The following SPIRE1 variants were observed in gnomAD, a reference collection of about 807,000 sequenced individuals.
SPIRE1 encodes spire type actin nucleation factor 1.
Under a neutral mutation model 94.1 loss-of-function variants are expected in SPIRE1, and 40 were observed. The ratio of observed to expected loss-of-function variants is 0.43; its 90% CI spans 0.33 to 0.55. The LOEUF (loss-of-function observed/expected upper bound fraction) is 0.55, where lower values mean the gene tolerates loss of function less well. Ranked by LOEUF, SPIRE1 falls within the 20% of genes least tolerant of loss-of-function variation. SPIRE1 has a pLI of 0.06. For synonymous variants in SPIRE1, 376 were observed against 371.7 expected (o/e 1.01, Z -0.13); for missense variants, 838 against 975.2 (o/e 0.86, Z 1.87).
chr18:12,574,011 T>C (rs113231666), intron 2 of SPIRE1, among the ~76,000 whole-genome samples: 11,911 of 152,264 alleles, frequency 0.078, 631 homozygotes, highest in Middle Eastern at 0.16. Flanking sequence ...AGTGCTAAGA[T>C]TACAGGCGTG....
At chr18:12,510,076 C>T (rs1165632161) in intron 5 of SPIRE1, among the ~76,000 whole-genome samples, 21 of 147,922 alleles carry the variant, frequency 1.4e-4, no homozygotes, top group Non-Finnish European at 2.8e-4. Flanking sequence ...CAGAGCAAGA[C>T]TCCATCTAAA....
intron 4 of SPIRE1, among the ~76,000 whole-genome samples, chr18:12,527,260 A>G (rs2034550132): frequency 6.6e-6 from 1 of 152,188 alleles, no homozygotes; most frequent in Admixed American, 6.6e-5. Flanking sequence ...ACAAAGTTAA[A>G]AATTAGGTCT....
intron 4 of SPIRE1, among the ~76,000 whole-genome samples, chr18:12,513,235 A>G (rs982790077): frequency 1.3e-5 from 2 of 152,198 alleles, no homozygotes; most frequent in African/African-American, 4.8e-5. Flanking sequence ...AACTGCATCA[A>G]TTCAACACTT....
chr18:12,585,806 T>C (rs780979542), intron 2 of SPIRE1, among the ~76,000 whole-genome samples: 5 of 152,238 alleles, frequency 3.3e-5, no homozygotes, highest in Admixed American at 6.5e-5. Context: ...TAAACCCATA[T>C]ACATATATAT....
chr18:12,534,135 T>G (rs61470666), intron 4 of SPIRE1, among the ~76,000 whole-genome samples: 22,776 of 152,214 alleles, frequency 0.15, 2,081 homozygotes, highest in African/African-American at 0.25. Flanking sequence ...AGAGGAAGGA[T>G]GCTTAGAGCT....
At chr18:12,584,043 A>C (rs1276118170) in intron 2 of SPIRE1, among the ~76,000 whole-genome samples, 1 of 152,212 alleles carries the variant, frequency 6.6e-6, no homozygotes, top group African/African-American at 2.4e-5. Flanking sequence ...CTGTTCATTA[A>C]AAATACGCTT....
intron 12 of SPIRE1, among the ~76,000 whole-genome samples, chr18:12,459,375 C>T (rs2031675453): frequency 6.6e-6 from 1 of 152,178 alleles, no homozygotes; most frequent in African/African-American, 2.4e-5. Context: ...GGATGCTCTG[C>T]TCACGGAATG....
intron 2 of SPIRE1, among the ~76,000 whole-genome samples, chr18:12,548,803 C>T (rs1053640505): frequency 7.2e-5 from 11 of 151,850 alleles, no homozygotes; most frequent in Non-Finnish European, 2.9e-5. Flanking sequence ...TTTTTAGAAA[C>T]GGGGTTTCAC....
At chr18:12,653,621 A>C (rs757350438) in intron 1 of SPIRE1, among the ~76,000 whole-genome samples, 6 of 152,244 alleles carry the variant, frequency 3.9e-5, no homozygotes, top group Admixed American at 6.5e-5. Context: ...TCAAAGAGTT[A>C]CTAATCACTT....
At chr18:12,615,345 A>AATATATAT (rs71174107) in intron 2 of SPIRE1, among the ~76,000 whole-genome samples, 35 of 17,196 alleles carry the variant, frequency 2.0e-3, no homozygotes, top group Non-Finnish European at 3.4e-3. Flanking sequence ...AAAAAAAAAA[A>AATATATAT]ATATATATAT....
At chr18:12,521,336 CTT>C (rs377466869) in intron 4 of SPIRE1, among the ~76,000 whole-genome samples, 38 of 143,382 alleles carry the variant, frequency 2.7e-4, no homozygotes, top group African/African-American at 4.1e-4. Flanking sequence ...ATAGCAGATA[CTT>C]TTTTTTTTTT....
chr18:12,512,084 G>A (rs952257143), intron 5 of SPIRE1, among the ~76,000 whole-genome samples: 2 of 152,102 alleles, frequency 1.3e-5, no homozygotes, highest in African/African-American at 4.8e-5. Context: ...TATTATACAG[G>A]TTGGGCAAGG....
chr18:12,460,712 C>CA (rs11461725), intron 12 of SPIRE1, among the ~76,000 whole-genome samples: 59,411 of 140,290 alleles, frequency 0.42, 12,369 homozygotes, highest in East Asian at 0.66. Flanking sequence ...AACTCCATCT[C>CA]AAAAAAAAAA....
At chr18:12,624,831 C>CAAAAA (rs71371282) in intron 2 of SPIRE1, among the ~76,000 whole-genome samples, 2 of 132,908 alleles carry the variant, frequency 1.5e-5, no homozygotes, top group African/African-American at 2.9e-5. Flanking sequence ...GACTCCATCT[C>CAAAAA]AAAAAAAAAA....
At chr18:12,453,472 C>T (rs951488907) in intron 13 of SPIRE1, among the ~76,000 whole-genome samples, 43 of 143,164 alleles carry the variant, frequency 3.0e-4, no homozygotes, top group Non-Finnish European at 4.9e-4. Flanking sequence ...CTCACTGTTT[C>T]GCCTAGGCTG....
At chr18:12,467,958 A>G (rs1276024729) in intron 10 of SPIRE1, among the ~76,000 whole-genome samples, 1 of 152,098 alleles carries the variant, frequency 6.6e-6, no homozygotes, top group Non-Finnish European at 1.5e-5. Context: ...TCAAAAGGAA[A>G]AAAAAAAAGA....
At chr18:12,490,144 A>G (rs2033181835) in intron 8 of SPIRE1, among the ~76,000 whole-genome samples, 1 of 152,204 alleles carries the variant, frequency 6.6e-6, no homozygotes, top group East Asian at 1.9e-4. Context: ...TCACAGAACA[A>G]TATCTTTCTG....
At chr18:12,658,302 G>A (rs759042838), upstream of SPIRE1, 23 of 440,366 alleles carry the variant, frequency 5.2e-5, no homozygotes, top group Non-Finnish European at 8.1e-5. Context: ...ACGCCCGGTC[G>A]GGGGGCCCGG....
intron 2 of SPIRE1, among the ~76,000 whole-genome samples, chr18:12,624,928 A>G (rs2037578513): frequency 1.3e-5 from 2 of 152,130 alleles, no homozygotes. Flanking sequence ...TTGTCTTCAG[A>G]TATAGTAAAA....
Sources: gnomAD v4.1 joint callset for allele counts (sites outside exome capture counted in the v4.1 genomes callset) on GRCh38, gnomAD v4.1.1 for gene constraint, MANE v1.5 for transcripts, NCBI Gene and HGNC (gene_info 2026-07-23, HGNC 2026-07-21) for gene names.